Variants in PUS7 observed in about 807,000 individuals in gnomAD.
PUS7 encodes pseudouridine synthase 7.
PUS7 carries 48 observed loss-of-function variants against 79.8 expected under a neutral mutation model. The ratio of observed to expected loss-of-function variants is 0.60; its 90% confidence interval spans 0.48 to 0.76. The LOEUF is 0.76. PUS7 is among the 30% of genes least tolerant of loss of function. PUS7 has a pLI of 0.00. For synonymous variants in PUS7, 286 were observed against 272.2 expected, an observed-to-expected ratio of 1.05 and a Z score of -0.50; for missense variants, 729 against 797.6, an observed-to-expected ratio of 0.91 and a Z score of 1.04.
intron 5 of PUS7, among the ~76,000 whole-genome samples, chr7:105,499,149 C>T (rs1380629820): frequency 6.6e-6 from 1 of 152,226 alleles, no homozygotes; most frequent in Non-Finnish European, 1.5e-5. Context: ...CCAACAACTT[C>T]CATGTTGCTA....
intron 7 of PUS7, among the ~76,000 whole-genome samples, chr7:105,485,487 G>A (rs1332047488): frequency 6.6e-6 from 1 of 152,242 alleles, no homozygotes; most frequent in Non-Finnish European, 1.5e-5. Context: ...TGGGATTACA[G>A]GCATGAGCCA....
intron 8 of PUS7, 124 bp downstream of exon 8, chr7:105,482,188 C>A: frequency 8.5e-7 from 1 of 1,170,242 alleles, no homozygotes. Flanking sequence ...GCTCTGCCCT[C>A]CCTTGCTGCC....
chr7:105,511,224 G>A (rs1455494057), intron 1 of PUS7, among the ~76,000 whole-genome samples: 2 of 149,788 alleles, frequency 1.3e-5, no homozygotes, highest in Admixed American at 6.7e-5. Flanking sequence ...TAGTAGAGAC[G>A]GGGCTTCACC....
chr7:105,509,873 G>A (rs1825637942), intron 1 of PUS7, among the ~76,000 whole-genome samples: 1 of 152,178 alleles, frequency 6.6e-6, no homozygotes, highest in South Asian at 2.1e-4. Context: ...ACTGGGAAGG[G>A]TGGTTACCTC....
Position 105,488,281 on chromosome 7 carries a change from T to C in PUS7, c.920+3259A>G, listed in dbSNP as rs1196173547. Among the ~76,000 whole-genome samples the C allele has an allele frequency of 2.6e-5, 4 of 152,242 alleles. No individual in the cohort carries two copies. The East Asian group carries it at 5.8e-4, about 22-fold the overall frequency. ...ATAACAAGATGCCATTTTTTGACCCTCAAATTAGCAAATGACTCCCTGTCC... is the reference window on the plus strand; with the variant it reads ...ATAACAAGATGCCATTTTTTGACCCCCAAATTAGCAAATGACTCCCTGTCC... On this transcript the variant is annotated intron_variant, in intron 7 of 15. Coordinates refer to ENST00000469408, the MANE Select transcript of PUS7 (RefSeq NM_019042.5).
At chr7:105,481,205 A>G in intron 8 of PUS7, 28 bp from the exon 9 acceptor site, 1 of 1,592,834 alleles carries the variant, frequency 6.3e-7, no homozygotes, top group Non-Finnish European at 8.5e-7. Context: ...ATCCAGAGGA[A>G]AAAAAGTTAC....
chr7:105,462,951 T>C (rs1295026189), intron 13 of PUS7, among the ~76,000 whole-genome samples: 2 of 152,204 alleles, frequency 1.3e-5, no homozygotes, highest in Non-Finnish European at 2.9e-5. Context: ...TACTGAGCTT[T>C]GGTTTGGCCA....
At position 105,508,374 on chromosome 7, in the gene PUS7, G is replaced by C; in HGVS notation, c.139C>G (p.Leu47Val). 1 of 1,614,092 alleles carries C rather than the reference G, an allele frequency of 6.2e-7. No individual in the cohort carries two copies. The highest frequency in any genetic ancestry group is 1.3e-5 in the African/African-American group (1 of 75,008). ...ECSLTKGQDGLQNDFLSISED... is the reference protein window; with the variant it reads ...ECSLTKGQDGVQNDFLSISED... ...CTGATGGACAGAAAGTCATTCTGTA[G>C]CCCATCTTGACCTTTGGTTAGACTG... Residue 47 changes from leucine to valine, a missense_variant, in exon 2 of 16, where the codon CTA becomes GTA. Transcript: ENST00000469408.
intron 1 of PUS7, among the ~76,000 whole-genome samples, chr7:105,510,343 C>T (rs1293319485): frequency 2.0e-5 from 3 of 151,754 alleles, no homozygotes; most frequent in Admixed American, 6.6e-5. Flanking sequence ...TGTATAACCA[C>T]GCTTACTGAC....
chr7:105,492,689 T>C (rs1053783381), intron 6 of PUS7, among the ~76,000 whole-genome samples: 4 of 151,618 alleles, frequency 2.6e-5, no homozygotes, highest in Non-Finnish European at 5.9e-5. Context: ...GTATTTTTAG[T>C]AGAGACGGGG....
At chr7:105,504,291 G>C (rs572274947) in intron 4 of PUS7, among the ~76,000 whole-genome samples, 4 of 151,592 alleles carry the variant, frequency 2.6e-5, no homozygotes, top group Non-Finnish European at 4.4e-5. Flanking sequence ...GGCTGGTCTC[G>C]AACTCCTGAC....
chr7:105,506,159 A>AG (rs768208988), intron 3 of PUS7, 30 bp downstream of exon 3: 43 of 1,583,364 alleles, frequency 2.7e-5, no homozygotes, highest in Non-Finnish European at 3.6e-5. Flanking sequence ...TTTATACAGA[A>AG]GGTGACATTT....
At chr7:105,476,244 G>A (rs184815558) in intron 9 of PUS7, among the ~76,000 whole-genome samples, 127 of 151,896 alleles carry the variant, frequency 8.4e-4, no homozygotes, top group African/African-American at 2.9e-3. Context: ...CCTACCTTTC[G>A]GCTATTGTGA....
intron 7 of PUS7, among the ~76,000 whole-genome samples, chr7:105,488,420 A>G (rs1824640432): frequency 6.6e-6 from 1 of 152,102 alleles, no homozygotes; most frequent in Non-Finnish European, 1.5e-5. Context: ...AGAGAGAGAG[A>G]ATTTCTCTGT....
At position 105,496,222 on chromosome 7, in the gene PUS7, T is replaced by TAGAG. The variant is rs1203551594; in HGVS notation, c.731-970_731-969insCTCT. Among the ~76,000 whole-genome samples, 780 of 84,948 alleles carry TAGAG rather than the reference T, an allele frequency of 9.2e-3. 4 individuals are homozygous for TAGAG. The highest frequency in any genetic ancestry group is 0.02 in the Middle Eastern group (2 of 100). 55.7% of individuals were successfully genotyped at this position (84,948 alleles called of 152,430 possible). On this transcript the variant is annotated intron_variant, in intron 5 of 15. Transcript: ENST00000469408. Reference sequence around the variant, plus strand: ...ATATATATATATATATATATATATATATATAGAGAGAGAGAGAGAGAGAGA... The same window carrying TAGAG: ...ATATATATATATATATATATATATATAGAGATATAGAGAGAGAGAGAGAGAGAGA...
chr7:105,476,276 G>T (rs1310100105), intron 9 of PUS7, among the ~76,000 whole-genome samples: 1 of 152,138 alleles, frequency 6.6e-6, no homozygotes, highest in Non-Finnish European at 1.5e-5. Flanking sequence ...ATGAACATGA[G>T]TGTACAAATA....
intron 14 of PUS7, 162 bp downstream of exon 14, chr7:105,462,457 GGT>G: frequency 1.4e-6 from 1 of 727,232 alleles, no homozygotes; most frequent in Non-Finnish European, 2.1e-6. Context: ...AAAAACAAAA[GGT>G]AAGTAAAAAT....
chr7:105,482,767 G>A (rs1824377666), intron 7 of PUS7, among the ~76,000 whole-genome samples: 1 of 152,022 alleles, frequency 6.6e-6, no homozygotes. Context: ...AGAGGGGTGA[G>A]AAAAGGGATG....
intron 5 of PUS7, among the ~76,000 whole-genome samples, chr7:105,500,789 A>G (rs1015221564): frequency 2.0e-5 from 3 of 152,240 alleles, no homozygotes; most frequent in Non-Finnish European, 4.4e-5. Context: ...AGTGGCTCCA[A>G]TCACTTTCCA....
Sources: allele counts gnomAD v4.1 joint callset (sites outside exome capture counted in the v4.1 genomes callset), GRCh38; gene constraint gnomAD v4.1.1; transcripts MANE v1.5; gene names NCBI Gene and HGNC (gene_info 2026-07-23, HGNC 2026-07-21).